Variants in DYM observed in about 807,000 individuals in gnomAD.
DYM encodes the protein dymeclin.
A neutral mutation model predicts 93.1 loss-of-function variants in DYM; 78 were observed. That is an observed-to-expected ratio of 0.84 (90% CI 0.70 to 1.01). The LOEUF is 1.01. Among genes scored for constraint, DYM ranks in the 50% least tolerant of loss-of-function variants. The pLI is 0.00. For missense variants in DYM, 789 were observed against 845.0 expected (o/e 0.93, Z 0.82); for synonymous variants, 321 against 319.7 (o/e 1.00, Z -0.04).
chr18:49,405,523 C>T (rs1478871059), intron 2 of DYM, among the ~76,000 whole-genome samples: 2 of 152,134 alleles, frequency 1.3e-5, no homozygotes, highest in Non-Finnish European at 1.5e-5. Flanking sequence ...TTTTTGTCCG[C>T]TTTGACAAAG....
intron 6 of DYM, among the ~76,000 whole-genome samples, chr18:49,356,996 ATT>A (rs1380934785): frequency 6.6e-6 from 1 of 152,212 alleles, no homozygotes; most frequent in Non-Finnish European, 1.5e-5. Flanking sequence ...GTCCTCTAAC[ATT>A]TGAGTCTTTG....
intron 6 of DYM, among the ~76,000 whole-genome samples, chr18:49,339,629 G>T (rs1343458560): frequency 1.3e-5 from 2 of 152,138 alleles, no homozygotes; most frequent in African/African-American, 4.8e-5. Context: ...AGGAAGCAAG[G>T]CGTCCCCCAG....
rs549529803 is a variant in DYM, at chr18:49,153,895, A to G, written c.1728+9790T>C. Among the ~76,000 whole-genome samples, 5 of 152,324 alleles carry G rather than the reference A, an allele frequency of 3.3e-5. No homozygotes were observed. The East Asian group carries it at 9.6e-4, about 29-fold the overall frequency. ...CATAGTCTTAAAGTATCTCCCCAAA[A>G]TATATAGTCATTACAAAGAGAAAAA... On this transcript the variant is annotated intron_variant, in intron 15 of 17. Transcript: ENST00000675505.
intron 8 of DYM, among the ~76,000 whole-genome samples, chr18:49,314,327 A>T (rs575703416): frequency 2.4e-4 from 37 of 152,286 alleles, no homozygotes; most frequent in South Asian, 2.3e-3. Flanking sequence ...TAGGTCCTTC[A>T]GCTGTGTACA....
At chr18:49,396,365 C>T (rs1040268640) in intron 2 of DYM, among the ~76,000 whole-genome samples, 1 of 152,110 alleles carries the variant, frequency 6.6e-6, no homozygotes, top group African/African-American at 2.4e-5. Context: ...ATCCCTTACC[C>T]AAAATGCTTG....
chr18:49,092,745 C>T (rs1191965715), intron 17 of DYM, among the ~76,000 whole-genome samples: 1 of 152,080 alleles, frequency 6.6e-6, no homozygotes, highest in Non-Finnish European at 1.5e-5. Context: ...GTGCATACAT[C>T]CTGAGAAGCA....
chr18:49,397,854 CTG>C (rs1412946823), intron 2 of DYM, among the ~76,000 whole-genome samples: 1 of 152,126 alleles, frequency 6.6e-6, no homozygotes, highest in Non-Finnish European at 1.5e-5. Context: ...ATCTGGGAAA[CTG>C]GGGTTAAATA....
intron 13 of DYM, among the ~76,000 whole-genome samples, chr18:49,212,522 C>G (rs944021046): frequency 6.7e-6 from 1 of 150,290 alleles, no homozygotes; most frequent in Non-Finnish European, 1.5e-5. Context: ...TTTTTTGAGA[C>G]AGTCTCATTC....
intron 14 of DYM, among the ~76,000 whole-genome samples, chr18:49,182,795 C>T (rs1600409457): frequency 1.3e-5 from 2 of 152,098 alleles, no homozygotes; most frequent in East Asian, 3.8e-4. Flanking sequence ...CACAGGGCTC[C>T]CCTCAATTGC....
intron 17 of DYM, among the ~76,000 whole-genome samples, chr18:49,067,248 A>G (rs60138648): frequency 7.3e-3 from 44 of 6,026 alleles, no homozygotes; most frequent in South Asian, 0.014. Flanking sequence ...GTGGGGTGAC[A>G]TGTTATGGAG....
intron 13 of DYM, among the ~76,000 whole-genome samples, chr18:49,250,006 G>T (rs1056011487): frequency 2.6e-5 from 4 of 152,144 alleles, no homozygotes; most frequent in Non-Finnish European, 5.9e-5. Context: ...ATAGAGTCTG[G>T]CACTGTCTAA....
intron 2 of DYM, among the ~76,000 whole-genome samples, chr18:49,423,126 T>C (rs1456633543): frequency 3.3e-5 from 5 of 152,128 alleles, no homozygotes; most frequent in South Asian, 4.1e-4. Context: ...TATTCCAAAA[T>C]TGATCACATA....
intron 13 of DYM, among the ~76,000 whole-genome samples, chr18:49,228,773 A>T (rs556315209): frequency 6.6e-6 from 1 of 152,128 alleles, no homozygotes; most frequent in Non-Finnish European, 1.5e-5. Context: ...AGGTGCAATG[A>T]AAGAGATCAT....
At chr18:49,164,866 A>G (rs1026576746) in intron 14 of DYM, among the ~76,000 whole-genome samples, 1 of 152,182 alleles carries the variant, frequency 6.6e-6, no homozygotes, top group Non-Finnish European at 1.5e-5. Context: ...CTAGAGTGCA[A>G]ATTACTTTAT....
chr18:49,073,726 C>T (rs551556943), intron 17 of DYM, among the ~76,000 whole-genome samples: 3 of 152,314 alleles, frequency 2.0e-5, no homozygotes, highest in Admixed American at 1.3e-4. Context: ...ATAATAACCA[C>T]GTCTAAAACA....
At chr18:49,050,481 C>A (rs1272752932) in intron 17 of DYM, among the ~76,000 whole-genome samples, 2 of 152,160 alleles carry the variant, frequency 1.3e-5, no homozygotes, top group Non-Finnish European at 2.9e-5. Context: ...GAAGGGGTAA[C>A]TTCTGCAATG....
At chr18:49,186,911 C>A (rs1205507625) in intron 14 of DYM, among the ~76,000 whole-genome samples, 1 of 145,672 alleles carries the variant, frequency 6.9e-6, no homozygotes, top group Non-Finnish European at 1.5e-5. Flanking sequence ...ACTGCCGGTA[C>A]ACAATCTTCT....
intron 17 of DYM, among the ~76,000 whole-genome samples, chr18:49,062,527 G>A (rs1385453732): frequency 2.6e-5 from 4 of 152,172 alleles, no homozygotes; most frequent in Admixed American, 1.3e-4. Flanking sequence ...GGAAAACCAC[G>A]AGCCCTTAAG....
intron 1 of DYM, among the ~76,000 whole-genome samples, chr18:49,457,873 A>T (rs2083131419): frequency 6.6e-6 from 1 of 152,228 alleles, no homozygotes; most frequent in African/African-American, 2.4e-5. Context: ...GGATGGAAGT[A>T]TGATCAGAGA....
Sources: gnomAD v4.1 joint callset for allele counts (sites outside exome capture counted in the v4.1 genomes callset) on GRCh38, gnomAD v4.1.1 for gene constraint, MANE v1.5 for transcripts, NCBI Gene and HGNC (gene_info 2026-07-23, HGNC 2026-07-21) for gene names.